The following B3GALT1 variants were observed in gnomAD, a reference collection of about 807,000 sequenced individuals.
B3GALT1 encodes UDP-Gal:betaGlcNAc beta 1,3-galactosyltransferase, polypeptide 1.
Under a neutral mutation model 23.2 loss-of-function variants are expected in B3GALT1, and 10 were observed. The observed-to-expected ratio is 0.43, with a 90% CI of 0.27 to 0.73. The LOEUF is 0.73. Ranked by LOEUF, B3GALT1 falls within the 30% of genes least tolerant of loss-of-function variation. The probability of loss-of-function intolerance (pLI) is 0.21; values close to 1 mark genes in which losing one functional copy is unlikely to be tolerated. For synonymous variants in B3GALT1, 156 were observed against 141.5 expected, an observed-to-expected ratio of 1.10 and a Z score of -0.73; for missense variants, 299 against 405.4, an observed-to-expected ratio of 0.74 and a Z score of 2.25.
chr2:167,377,742 A>T (rs956023162), intron 1 of B3GALT1, among the ~76,000 whole-genome samples: 3 of 152,084 alleles, frequency 2.0e-5, no homozygotes, highest in African/African-American at 7.2e-5. Context: ...ACTCTTAAAG[A>T]CAGCAGACAG....
At chr2:167,594,481 G>T (rs867526975) in intron 2 of B3GALT1, among the ~76,000 whole-genome samples, 4 of 152,142 alleles carry the variant, frequency 2.6e-5, no homozygotes, top group African/African-American at 9.7e-5. Context: ...CCATTATGTG[G>T]CATGACTAAA....
chr2:167,867,506 A>G (rs1690258387), intron 4 of B3GALT1, among the ~76,000 whole-genome samples: 1 of 152,152 alleles, frequency 6.6e-6, no homozygotes, highest in Non-Finnish European at 1.5e-5. Context: ...CTGGTCTCAT[A>G]TGGATCATAT....
chr2:167,853,710 G>A (rs1463340517), intron 4 of B3GALT1, among the ~76,000 whole-genome samples: 2 of 152,132 alleles, frequency 1.3e-5, no homozygotes, highest in Non-Finnish European at 2.9e-5. Context: ...ACAGGCACAT[G>A]TATGTTGGCA....
At chr2:167,849,866 G>A (rs368692857) in intron 4 of B3GALT1, among the ~76,000 whole-genome samples, 16 of 149,748 alleles carry the variant, frequency 1.1e-4, no homozygotes, top group Admixed American at 1.3e-4. Flanking sequence ...CTCCAGCCCC[G>A]GGAAAAGAGC....
At chr2:167,601,695 A>G (rs1269238682) in intron 2 of B3GALT1, among the ~76,000 whole-genome samples, 1 of 152,244 alleles carries the variant, frequency 6.6e-6, no homozygotes, top group Non-Finnish European at 1.5e-5. Flanking sequence ...GAAATGTATT[A>G]GAAAAAGCCC....
At chr2:167,396,059 G>C (rs1032292352) in intron 1 of B3GALT1, among the ~76,000 whole-genome samples, 7 of 152,094 alleles carry the variant, frequency 4.6e-5, no homozygotes, top group Non-Finnish European at 8.8e-5. Context: ...AAGGTTAAAT[G>C]AAGTTCAAGG....
intron 2 of B3GALT1, among the ~76,000 whole-genome samples, chr2:167,534,458 G>A (rs928644805): frequency 2.0e-5 from 3 of 152,040 alleles, no homozygotes; most frequent in Admixed American, 1.3e-4. Context: ...ATTTGTTCAC[G>A]GTTTGCCCTG....
chr2:167,589,638 A>T (rs950429486), intron 2 of B3GALT1, among the ~76,000 whole-genome samples: 1 of 152,056 alleles, frequency 6.6e-6, no homozygotes, highest in Admixed American at 6.6e-5. Context: ...CTGAACTTTT[A>T]TTTATTTTCA....
chr2:167,397,724 A>G (rs1207668856), intron 1 of B3GALT1, among the ~76,000 whole-genome samples: 1 of 152,048 alleles, frequency 6.6e-6, no homozygotes, highest in Non-Finnish European at 1.5e-5. Flanking sequence ...TCCCCTGTAT[A>G]CCTCTGTGTT....
chr2:167,790,958 T>C (rs1472101967), intron 3 of B3GALT1, among the ~76,000 whole-genome samples: 3 of 152,220 alleles, frequency 2.0e-5, no homozygotes, highest in African/African-American at 7.2e-5. Flanking sequence ...TACATTATTT[T>C]CTTCTAGTTG....
chr2:167,464,672 T>TA (rs1191523122), intron 1 of B3GALT1, among the ~76,000 whole-genome samples: 1 of 152,174 alleles, frequency 6.6e-6, no homozygotes, highest in Non-Finnish European at 1.5e-5. Context: ...TGAAGTTACC[T>TA]AAAGTTTCCT....
chr2:167,329,037 T>C (rs971918391), intron 1 of B3GALT1, among the ~76,000 whole-genome samples: 1 of 152,060 alleles, frequency 6.6e-6, no homozygotes, highest in Non-Finnish European at 1.5e-5. Context: ...GGTCTTCAAC[T>C]CCTGACCTCA....
chr2:167,807,334 A>T (rs1688776701), intron 3 of B3GALT1, among the ~76,000 whole-genome samples: 1 of 152,014 alleles, frequency 6.6e-6, no homozygotes, highest in Non-Finnish European at 1.5e-5. Flanking sequence ...CTCTGATCTT[A>T]GTTATTTCTT....
chr2:167,655,828 T>C (rs765335179), intron 3 of B3GALT1, among the ~76,000 whole-genome samples: 2 of 152,192 alleles, frequency 1.3e-5, no homozygotes, highest in African/African-American at 2.4e-5. Context: ...AAATTGACAA[T>C]GTAGGCCTGT....
chr2:167,725,711 T>A (rs1687301313), intron 3 of B3GALT1, among the ~76,000 whole-genome samples: 1 of 152,026 alleles, frequency 6.6e-6, no homozygotes, highest in Non-Finnish European at 1.5e-5. Context: ...CCGAAAACCC[T>A]CTTCCACACT....
rs1399468169 is a variant in B3GALT1, at chr2:167,508,712, T to C, written c.-410+18435T>C. On this transcript the variant is annotated intron_variant, in intron 2 of 4. Transcript: ENST00000392690. ...AGTATTAAATAGTTTAATACAAAAA[T>C]GAAGTTATTACACAATTGGGAGATG... Among the ~76,000 whole-genome samples, 3 of 151,942 alleles carry C rather than the reference T, an allele frequency of 2.0e-5. No individual in the cohort carries two copies. The East Asian group carries it at 5.8e-4, about 29-fold the overall frequency.
chr2:167,410,837 C>T (rs1698379298), intron 1 of B3GALT1, among the ~76,000 whole-genome samples: 1 of 152,034 alleles, frequency 6.6e-6, no homozygotes, highest in Admixed American at 6.5e-5. Context: ...CCAAAATGTC[C>T]TTGTATAATT....
At chr2:167,421,105 A>T (rs1340895698) in intron 1 of B3GALT1, among the ~76,000 whole-genome samples, 1 of 152,216 alleles carries the variant, frequency 6.6e-6, no homozygotes, top group African/African-American at 2.4e-5. Flanking sequence ...AATAATTAAA[A>T]ATCAAGATAC....
intron 3 of B3GALT1, among the ~76,000 whole-genome samples, chr2:167,679,166 G>T (rs1361472976): frequency 6.6e-6 from 1 of 151,334 alleles, no homozygotes; most frequent in African/African-American, 2.4e-5. Flanking sequence ...ACCCAGGCTG[G>T]AGTGCAATGG....
Sources: gnomAD v4.1 joint callset for allele counts (sites outside exome capture counted in the v4.1 genomes callset) on GRCh38, gnomAD v4.1.1 for gene constraint, MANE v1.5 for transcripts, NCBI Gene and HGNC (gene_info 2026-07-23, HGNC 2026-07-21) for gene names.